The following CHD1L variants were observed in gnomAD, a reference collection of about 807,000 sequenced individuals.
The protein encoded by CHD1L is chromodomain helicase DNA binding protein 1 like, also known as ATP-dependent chromatin remodeler CHD1L.
CHD1L carries 118 observed loss-of-function variants against 115.9 expected under a neutral mutation model. The observed-to-expected ratio is 1.02, with a 90% CI of 0.88 to 1.19. CHD1L has a LOEUF of 1.19. Ranked by LOEUF, CHD1L falls within the 50% of genes most tolerant of loss-of-function variation. The pLI, the probability that CHD1L is intolerant of heterozygous loss-of-function variation, is 0.00. For missense variants in CHD1L, 1,179 were observed against 1,065.3 expected (o/e 1.11, Z -1.49); for synonymous variants, 411 against 387.1 (o/e 1.06, Z -0.72).
the CHD1L span, among the ~76,000 whole-genome samples, chr1:147,227,951 G>C: frequency 6.6e-5 from 10 of 151,048 alleles, no homozygotes; most frequent in African/African-American, 2.2e-4. Flanking sequence ...TCACTCTGTC[G>C]CCCAGGCTGG....
At chr1:147,234,625 A>G in the CHD1L span, among the ~76,000 whole-genome samples, 1 of 152,244 alleles carries the variant, frequency 6.6e-6, no homozygotes, top group Non-Finnish European at 1.5e-5. Context: ...TAACTTAAAA[A>G]TGTTTTTACT....
At chr1:147,211,774 G>A in the CHD1L span, among the ~76,000 whole-genome samples, 5 of 152,170 alleles carry the variant, frequency 3.3e-5, no homozygotes, top group Non-Finnish European at 7.3e-5. Flanking sequence ...AAAAAGCCAA[G>A]GAGATATAAT....
At chr1:147,173,642 C>T in the CHD1L span, 1 of 152,154 alleles carries the variant, frequency 6.6e-6, no homozygotes, top group Non-Finnish European at 1.5e-5. Flanking sequence ...AAGGTACTTA[C>T]CTTTGTATTA....
At chr1:147,245,417 C>T (rs942796152) in intron 1 of CHD1L, among the ~76,000 whole-genome samples, 3 of 152,104 alleles carry the variant, frequency 2.0e-5, no homozygotes, top group Non-Finnish European at 2.9e-5. Context: ...CTGACAGTAC[C>T]GTGGCCTCCT....
At chr1:147,252,528 A>T (rs962310968) in intron 1 of CHD1L, 95 bp from the exon 2 acceptor site, 1 of 921,756 alleles carries the variant, frequency 1.1e-6, no homozygotes, top group Non-Finnish European at 1.7e-6. Flanking sequence ...GGTTATGTGA[A>T]TTTAGGCTGT....
chr1:147,188,126 TA>T, the CHD1L span, among the ~76,000 whole-genome samples: 1 of 152,070 alleles, frequency 6.6e-6, no homozygotes, highest in Non-Finnish European at 1.5e-5. Context: ...GAGAAAAAGG[TA>T]AAACAGTAAA....
chr1:147,264,932 G>T (rs1673300806), intron 7 of CHD1L, among the ~76,000 whole-genome samples: 1 of 152,210 alleles, frequency 6.6e-6, no homozygotes, highest in African/African-American at 2.4e-5. Flanking sequence ...AGAAAAGAAT[G>T]TGGGTGCTGT....
chr1:147,188,638 C>T, the CHD1L span, among the ~76,000 whole-genome samples: 1 of 149,744 alleles, frequency 6.7e-6, no homozygotes, highest in Admixed American at 6.7e-5. Context: ...ACAATGTATA[C>T]ACATAGTCGG....
At chr1:147,272,726 A>T (rs781989233) in intron 12 of CHD1L, among the ~76,000 whole-genome samples, 1 of 152,214 alleles carries the variant, frequency 6.6e-6, no homozygotes, top group Non-Finnish European at 1.5e-5. Flanking sequence ...AAATGTGATT[A>T]TGTTGAAAAT....
chr1:147,294,395 T>G lies in CHD1L; in HGVS notation c.2507-14T>G. On this transcript the variant is annotated splice_polypyrimidine_tract_variant and intron_variant, in intron 21 of 22. Transcript: ENST00000369258. ...TTTGATGAGTGAAGACATGTGTTCT[T>G]CTCTTCATAATAGCAAGTGTTCATC... 1 of 1,598,306 alleles carries G rather than the reference T, an allele frequency of 6.3e-7. No homozygotes were observed. The highest frequency in any genetic ancestry group is 8.5e-7 in the Non-Finnish European group (1 of 1,170,550).
chr1:147,245,625 G>A (rs1404638083), intron 1 of CHD1L, among the ~76,000 whole-genome samples: 1 of 151,822 alleles, frequency 6.6e-6, no homozygotes, highest in Non-Finnish European at 1.5e-5. Context: ...TCTGGTTTTT[G>A]CTGTTGACTC....
chr1:147,179,651 T>A, the CHD1L span: 2 of 1,294,126 alleles, frequency 1.5e-6, no homozygotes, highest in Middle Eastern at 2.6e-4. Flanking sequence ...CACCACTTTG[T>A]AAAAGGACTC....
In CHD1L at chr1:147,282,047, G is replaced by A. The variant is rs782190605; in HGVS notation, c.1705+1856G>A. 2.6e-5 allele frequency among the ~76,000 whole-genome samples: 4 copies of A among 152,066 alleles called. No individual in the cohort carries two copies. In the East Asian group the frequency reaches 5.8e-4, roughly 22 times the overall value. ...CCTCTTTTTCTAAAAAGGAAAATTC[G>A]TTTGGGGATCTCTTGTTCTCATCGA... On this transcript the variant is annotated intron_variant, in intron 15 of 22. Coordinates refer to ENST00000369258, the MANE Select transcript of CHD1L (RefSeq NM_004284.6).
chr1:147,186,244 A>G, the CHD1L span: 2 of 854,518 alleles, frequency 2.3e-6, no homozygotes, highest in Non-Finnish European at 2.8e-6. Flanking sequence ...GATCTGAATG[A>G]CTGTGAGCCT....
chr1:147,212,105 C>T, the CHD1L span, among the ~76,000 whole-genome samples: 5,599 of 152,288 alleles, frequency 0.037, 143 homozygotes, highest in South Asian at 0.095. Flanking sequence ...GCCAGAGGCA[C>T]ACTCTGAGAA....
Position 147,288,325 on chromosome 1 carries a change from T to TA in CHD1L, c.2320+613dup, listed in dbSNP as rs782063703. ...GAGTGAGAGTGAGACCCTGTTTCAA[T>TA]AAAAAAAAAAAAAAAAAAAAAGAAA... On this transcript the variant is annotated intron_variant, in intron 19 of 22. Coordinates refer to ENST00000369258, the MANE Select transcript of CHD1L (RefSeq NM_004284.6). Among the ~76,000 whole-genome samples the TA allele has an allele frequency of 3.1e-3, 275 of 89,948 alleles. 4 individuals carry two copies. The highest frequency in any genetic ancestry group is 0.017 in the South Asian group (35 of 2,120). 59.0% of individuals were successfully genotyped at this position (89,948 alleles called of 152,430 possible).
intron 11 of CHD1L, 116 bp downstream of exon 11, chr1:147,271,121 C>T: frequency 1.1e-6 from 1 of 938,930 alleles, no homozygotes; most frequent in East Asian, 2.5e-5. Context: ...AGGGTGAGAA[C>T]ATTATTCAGA....
At chr1:147,266,993 G>A (rs781946033) in intron 8 of CHD1L, among the ~76,000 whole-genome samples, 13 of 152,160 alleles carry the variant, frequency 8.5e-5, no homozygotes, top group Non-Finnish European at 1.8e-4. Flanking sequence ...GGGGGTTTTG[G>A]AACATATTCC....
rs1682320657 is a variant in CHD1L at position 147,284,595 on chromosome 1, T to A, written c.1854+96T>A. ...CTGGCATCGTTTTGTTCTCTTAGGA[T>A]GATTTGTCAAGAAATAAGTATGTGT... On this transcript the variant is annotated intron_variant, in intron 16 of 22. Coordinates refer to ENST00000369258, the MANE Select transcript of CHD1L (RefSeq NM_004284.6). 3.6e-6 allele frequency: 4 copies of A among 1,123,720 alleles called. No homozygotes were observed. In the South Asian group the frequency reaches 7.3e-5, roughly 21 times the overall value. 69.6% of individuals were successfully genotyped at this position (1,123,720 alleles called of 1,614,324 possible).
Sources: gnomAD v4.1 joint callset for allele counts (sites outside exome capture counted in the v4.1 genomes callset) on GRCh38, gnomAD v4.1.1 for gene constraint, MANE v1.5 for transcripts, NCBI Gene and HGNC (gene_info 2026-07-23, HGNC 2026-07-21) for gene names.